Variants in LCN8 observed in about 807,000 individuals in gnomAD.
LCN8 encodes the protein lipocalin 8, also known as epididymal-specific lipocalin-8.
LCN8 carries 16 observed loss-of-function variants against 22.8 expected under a neutral mutation model. The observed-to-expected ratio is 0.70, with a 90% CI of 0.47 to 1.06. LCN8 has a LOEUF of 1.06. Among genes scored for constraint, LCN8 ranks in the 50% least tolerant of loss-of-function variants. The pLI is 0.00. For synonymous variants in LCN8, 92 were observed against 83.4 expected (o/e 1.10, Z -0.56); for missense variants, 189 against 203.3 (o/e 0.93, Z 0.43).
At chr9:136,754,897 G>C in intron 6 of LCN8, 1 of 1,361,030 alleles carries the variant, frequency 7.3e-7, no homozygotes, top group Non-Finnish European at 9.4e-7. Context: ...AGCCTCCCAG[G>C]GTCCCTGCCT....
chr9:136,754,445 G>A lies in LCN8; in HGVS notation c.*53C>T, dbSNP rs1329150960. 1.3e-6 allele frequency: 2 copies of A among 1,552,708 alleles called. No homozygotes were observed. The highest frequency in any genetic ancestry group is 1.4e-5 in the African/African-American group (1 of 73,734). On this transcript the variant is annotated 3_prime_UTR_variant, in exon 7 of 7. Coordinates refer to ENST00000371688, the MANE Select transcript of LCN8 (RefSeq NM_178469.4). ...GACCTGGTGGGCAGGGTGCCCAGGA[G>A]GGGCAGGGGTGGGCGGGCGCTCCGA...
chr9:136,755,408 T>G lies in LCN8; in HGVS notation c.331+4A>C, dbSNP rs757016097. On this transcript the variant is annotated splice_donor_region_variant and intron_variant, in intron 4 of 6. Coordinates refer to ENST00000371688, the MANE Select transcript of LCN8 (RefSeq NM_178469.4). The stretch of plus-strand genomic sequence containing the variant: ...TGGGCAGAGCCCCCCAGGGCCAAGC[T>G]TACTAAAGTACTTGAGGACGCGAAA... The G allele has an allele frequency of 1.2e-6, 2 of 1,611,696 alleles. No individual in the cohort carries two copies. Among genetic ancestry groups the G allele is most frequent in the Non-Finnish European group, 1.7e-6 (2 of 1,179,974 alleles).
At position 136,754,603 on chromosome 9, in the gene LCN8, G is replaced by GC. The variant is rs1361198461; in HGVS notation, c.448-95dup. 2.0e-6 allele frequency: 3 copies of GC among 1,497,652 alleles called. No individual in the cohort carries two copies. The African/African-American group carries it at 4.2e-5, about 21-fold the overall frequency. The allele number at this position is 1,497,652 out of a possible 1,614,324, so 92.8% of individuals were successfully genotyped here. On this transcript the variant is annotated intron_variant, in intron 6 of 6. Coordinates refer to ENST00000371688, the MANE Select transcript of LCN8 (RefSeq NM_178469.4). ...GCCACACGGCGGGACTTCTGTCCTCGCTGCCTGGTTTTGCGCAAAGCACCC... is the reference window on the plus strand; with the variant it reads ...GCCACACGGCGGGACTTCTGTCCTCGCCTGCCTGGTTTTGCGCAAAGCACCC...
At chr9:136,757,310 C>T in intron 1 of LCN8, 142 bp from the exon 2 acceptor site, 1 of 1,463,128 alleles carries the variant, frequency 6.8e-7, no homozygotes, top group East Asian at 2.5e-5. Context: ...AGCAGCAAGA[C>T]ATCTGTGAGC....
At chr9:136,755,033 C>G (rs777806660) in intron 6 of LCN8, 102 bp downstream of exon 6, 6 of 1,444,058 alleles carry the variant, frequency 4.2e-6, no homozygotes, top group Non-Finnish European at 5.5e-6. Flanking sequence ...AAGGCCCAGC[C>G]CAGGGCCGGG....
In LCN8 at chr9:136,755,347, G is replaced by A. The variant is rs777297730; in HGVS notation, c.332-14C>T. 1.7e-5 allele frequency: 28 copies of A among 1,610,094 alleles called. No homozygotes were observed. The highest frequency in any genetic ancestry group is 2.2e-5 in the Non-Finnish European group (26 of 1,179,932). On this transcript the variant is annotated splice_polypyrimidine_tract_variant and intron_variant, in intron 4 of 6. Coordinates refer to ENST00000371688, the MANE Select transcript of LCN8 (RefSeq NM_178469.4). ...CAAGGCTCCGAGCTGTGGGGCACAG[G>A]GGGGCTGGGCGGGCAGTCCCTGGGA...
rs748819608 is a variant in LCN8, at chr9:136,757,158, A to G, written c.35T>C (p.Phe12Ser). 11 of 1,612,578 alleles carry G rather than the reference A, an allele frequency of 6.8e-6. 1 individual carries two copies. The East Asian group carries it at 1.3e-4, about 20-fold the overall frequency. ...GGAGGCCACACCGACTTCCCTCCAG[A>G]ATCCTCCAATCTAGAGAGATACGGA... Reference protein sequence around the residue: ...EELDRQKIGGFWREVGVASDQ... With the variant: ...EELDRQKIGGSWREVGVASDQ... The change falls in exon 2 of 7, where the codon TTC becomes TCC. Residue 12 changes from phenylalanine (F) to serine (S), a missense_variant. Transcript: ENST00000371688.
At position 136,755,393 on chromosome 9, in the gene LCN8, C is replaced by T; in HGVS notation, c.331+19G>A. 2 of 1,611,052 alleles carry T rather than the reference C, an allele frequency of 1.2e-6. No individual in the cohort carries two copies. Among genetic ancestry groups the T allele is most frequent in the Non-Finnish European group, 1.7e-6 (2 of 1,179,950 alleles). On this transcript the variant is annotated intron_variant, in intron 4 of 6. Coordinates refer to ENST00000371688, the MANE Select transcript of LCN8 (RefSeq NM_178469.4). ...TGGGAGAGCAGCAGCTGGGCAGAGC[C>T]CCCCAGGGCCAAGCTTACTAAAGTA... is the stretch of plus-strand genomic sequence containing the variant.
In LCN8 at chr9:136,757,451, C is replaced by T. The variant is rs74584741; in HGVS notation, c.25-283G>A. On this transcript the variant is annotated intron_variant, in intron 1 of 6. Transcript: ENST00000371688. ...AGTCCCTAGGGCTTCTGCGACATGT[C>T]GGGAGGAACCACAGGCCCTGCCTGA... 1.8e-3 allele frequency: 2,525 copies of T among 1,365,276 alleles called. 48 individuals carry two copies. In the African/African-American group the frequency reaches 0.033, roughly 18 times the overall value. 84.6% of individuals were successfully genotyped at this position (1,365,276 alleles called of 1,614,324 possible). A position where few individuals can be genotyped will look rare whatever the true frequency, so the allele number is the denominator to read the frequency against.
At position 136,757,180 on chromosome 9, in the gene LCN8, C is replaced by G; in HGVS notation, c.25-12G>C. Reference sequence around the variant, plus strand: ...CAGAATCCTCCAATCTAGAGAGATACGGAGCCTGGCCAAGAGCTGAGCAGT... The same window carrying G: ...CAGAATCCTCCAATCTAGAGAGATAGGGAGCCTGGCCAAGAGCTGAGCAGT... On this transcript the variant is annotated splice_polypyrimidine_tract_variant and intron_variant, in intron 1 of 6. Coordinates refer to ENST00000371688, the MANE Select transcript of LCN8 (RefSeq NM_178469.4). 1 of 1,609,342 alleles carries G rather than the reference C, an allele frequency of 6.2e-7. No homozygotes were observed. Among genetic ancestry groups the G allele is most frequent in the Non-Finnish European group, 8.5e-7 (1 of 1,177,914 alleles).
chr9:136,756,332 C>T lies in LCN8; in HGVS notation c.226+190G>A, dbSNP rs747086062. 1.0e-5 allele frequency: 16 copies of T among 1,543,622 alleles called. No homozygotes were observed. In the South Asian group the frequency reaches 1.6e-4, roughly 16 times the overall value. ...ATGTGGAACAGTGCAGGGAGCAGTG[C>T]AGGGAACAACATGGGGAACAGCACA... On this transcript the variant is annotated intron_variant, in intron 3 of 6. Coordinates refer to ENST00000371688, the MANE Select transcript of LCN8 (RefSeq NM_178469.4).
intron 2 of LCN8, 42 bp downstream of exon 2, chr9:136,756,996 C>G: frequency 6.2e-7 from 1 of 1,603,080 alleles, no homozygotes; most frequent in Non-Finnish European, 8.5e-7. Context: ...AGTCCCCGGC[C>G]ATGCATGCCT....
chr9:136,756,143 TGGAACAGCGCAG>T (rs1444945063), intron 3 of LCN8: 1 of 412,004 alleles, frequency 2.4e-6, no homozygotes, highest in East Asian at 8.1e-5. Context: ...GAACAGCATG[TGGAACAGCGCAG>T]GGAACAGCAT....
chr9:136,756,606 A>G lies in LCN8; in HGVS notation c.156-14T>C. 6.2e-7 allele frequency: 1 copy of G among 1,612,550 alleles called. No individual in the cohort carries two copies. Among genetic ancestry groups the G allele is most frequent in the Non-Finnish European group, 8.5e-7 (1 of 1,178,994 alleles). On this transcript the variant is annotated splice_polypyrimidine_tract_variant and intron_variant, in intron 2 of 6. Coordinates refer to ENST00000371688, the MANE Select transcript of LCN8 (RefSeq NM_178469.4). ...CAGCTTCCTGAGCTGAAAGGCAGCA[A>G]AGTGCCCATCGGTAAAATGCTAGCC...
In LCN8 at chr9:136,755,443, C is replaced by T; in HGVS notation, c.300G>A (p.Arg100=). Residue 100 remains arginine (R), a synonymous_variant, in exon 4 of 7, where the codon CGG becomes CGA. Transcript: ENST00000371688. ...ACTTGAGGACGCGAAAGTTCCTGCC[C>T]CGCCACATCAGGGACACCCGCAGGA... The part of the protein sequence containing the change: ...YAILRVSLMW[R]GRNFRVLKYF... The T allele has an allele frequency of 2.5e-6, 4 of 1,613,210 alleles. No individual in the cohort carries two copies. In the Admixed American group the frequency reaches 6.7e-5, roughly 27 times the overall value.
Position 136,757,918 on chromosome 9 carries a change from C to A in LCN8, c.13G>T (p.Asp5Tyr), listed in dbSNP as rs1588310263. 1 of 1,613,712 alleles carries A rather than the reference C, an allele frequency of 6.2e-7. No homozygotes were observed. The highest frequency in any genetic ancestry group is 2.2e-5 in the East Asian group (1 of 44,882). MEEL[D>Y]RQKIGGFWRE... is the part of the protein sequence containing the mutation. ...GAAGGAGAAGCCACCTTCTGCCGGT[C>A]CAGCTCCTCCATGGCTGCTGCCACC... Residue 5 changes from aspartate (D) to tyrosine (Y), a missense_variant, in exon 1 of 7, where the codon GAC (aspartate) becomes TAC (tyrosine). Asp to Tyr is a radical substitution (Grantham distance 160). Transcript: ENST00000371688.
chr9:136,757,861 G>T (rs1175082595), intron 1 of LCN8, 46 bp downstream of exon 1: 2 of 1,613,580 alleles, frequency 1.2e-6, no homozygotes, highest in Non-Finnish European at 1.7e-6. Context: ...AGCCTGAGGG[G>T]TTGGGGGTGT....
At chr9:136,757,353 G>A in intron 1 of LCN8, 185 bp from the exon 2 acceptor site, 1 of 1,438,430 alleles carries the variant, frequency 7.0e-7, no homozygotes, top group Non-Finnish European at 9.1e-7. Flanking sequence ...CCTCCAAGCG[G>A]TGCCTTCAGG....
intron 1 of LCN8, chr9:136,757,547 C>A: frequency 1.5e-6 from 2 of 1,371,420 alleles, no homozygotes; most frequent in Non-Finnish European, 1.9e-6. Flanking sequence ...GTGAGAAACG[C>A]CAGAGAACAG....
Sources: allele counts gnomAD v4.1 joint callset, GRCh38; gene constraint gnomAD v4.1.1; transcripts MANE v1.5; gene names NCBI Gene and HGNC (gene_info 2026-07-23, HGNC 2026-07-21).